The following RANBP2 variants were observed in gnomAD, a reference collection of about 807,000 sequenced individuals.
The protein encoded by RANBP2 is E3 SUMO-protein ligase RanBP2.
A neutral mutation model predicts 303.6 loss-of-function variants in RANBP2; 57 were observed. The ratio of observed to expected loss-of-function variants is 0.19; its 90% CI spans 0.15 to 0.23. The LOEUF is 0.23. Ranked by LOEUF, RANBP2 falls within the 10% of genes least tolerant of loss-of-function variation. The pLI, the probability that RANBP2 is intolerant of heterozygous loss-of-function variation, is 1.00. For missense variants in RANBP2, 3,138 were observed against 3,780.8 expected (o/e 0.83, Z 4.46); for synonymous variants, 1,167 against 1,301.5 (o/e 0.90, Z 2.23).
At chr2:109,376,986 A>G in the RANBP2 span, among the ~76,000 whole-genome samples, 1 of 152,270 alleles carries the variant, frequency 6.6e-6, no homozygotes, top group Admixed American at 6.5e-5. Flanking sequence ...CAGCCAGCAC[A>G]TACCCCAGAC....
the RANBP2 span, among the ~76,000 whole-genome samples, chr2:109,540,596 G>A: frequency 2.3e-3 from 345 of 151,624 alleles, 3 homozygotes; most frequent in African/African-American, 8.0e-3. Flanking sequence ...AGGCTGAGGT[G>A]GGAGGATCAC....
chr2:109,067,085 G>GA, the RANBP2 span, among the ~76,000 whole-genome samples: 184 of 142,874 alleles, frequency 1.3e-3, no homozygotes, highest in Non-Finnish European at 1.4e-3. Context: ...CAGAAAGAAA[G>GA]AAAAAAAAAA....
chr2:109,595,812 C>T, the RANBP2 span, among the ~76,000 whole-genome samples: 1 of 152,154 alleles, frequency 6.6e-6, no homozygotes, highest in Non-Finnish European at 1.5e-5. Context: ...CTGCTAAAGG[C>T]TAAGTGCCAC....
the RANBP2 span, among the ~76,000 whole-genome samples, chr2:109,443,756 T>G: frequency 1.3e-5 from 2 of 152,158 alleles, no homozygotes. Flanking sequence ...ATAAGCAATA[T>G]GGATAAAGGT....
the RANBP2 span, among the ~76,000 whole-genome samples, chr2:108,831,837 A>T: frequency 6.7e-6 from 1 of 148,458 alleles, no homozygotes; most frequent in African/African-American, 2.5e-5. Context: ...GGTTCAAGCG[A>T]TTCTCCTGCC....
At chr2:109,730,776 CTTTTTTTTTTTTTT>C in the RANBP2 span, among the ~76,000 whole-genome samples, 3,160 of 79,466 alleles carry the variant, frequency 0.04, 171 homozygotes, top group African/African-American at 0.12. Flanking sequence ...CTCTCTCTCT[CTTTTTTTTTTTTTT>C]TTTTTTTTTT....
At chr2:109,682,750 G>A in the RANBP2 span, among the ~76,000 whole-genome samples, 1 of 152,206 alleles carries the variant, frequency 6.6e-6, no homozygotes, top group East Asian at 1.9e-4. Context: ...GACCAACCCG[G>A]GCAACATGGC....
the RANBP2 span, chr2:108,897,262 C>G: frequency 6.3e-7 from 1 of 1,585,524 alleles, no homozygotes; most frequent in Non-Finnish European, 8.7e-7. Context: ...TTAGATGTTG[C>G]AAGTCACAGT....
At chr2:109,079,717 T>C in the RANBP2 span, among the ~76,000 whole-genome samples, 3 of 152,054 alleles carry the variant, frequency 2.0e-5, no homozygotes, top group African/African-American at 4.8e-5. Context: ...CACACACACA[T>C]AACACTCAAG....
the RANBP2 span, among the ~76,000 whole-genome samples, chr2:109,418,480 G>A: frequency 6.6e-6 from 1 of 152,050 alleles, no homozygotes; most frequent in Non-Finnish European, 1.5e-5. Flanking sequence ...GTGGCTGCCG[G>A]CATCCTCAGC....
chr2:108,873,710 G>A, the RANBP2 span: 11 of 616,544 alleles, frequency 1.8e-5, no homozygotes, highest in Admixed American at 1.3e-4. Flanking sequence ...ATTGCCTTGT[G>A]CCACACATAA....
the RANBP2 span, among the ~76,000 whole-genome samples, chr2:109,602,244 T>C: frequency 1.3e-5 from 2 of 152,176 alleles, no homozygotes; most frequent in African/African-American, 4.8e-5. Context: ...AAGTTTGTGA[T>C]GTGAAGAATG....
At chr2:109,162,157 T>A in the RANBP2 span, among the ~76,000 whole-genome samples, 2 of 152,192 alleles carry the variant, frequency 1.3e-5, no homozygotes, top group Non-Finnish European at 2.9e-5. Context: ...GGCTCTAACA[T>A]TGACCTGGAA....
chr2:108,786,569 C>T (rs1678756019), downstream of RANBP2, among the ~76,000 whole-genome samples: 1 of 152,092 alleles, frequency 6.6e-6, no homozygotes, highest in Non-Finnish European at 1.5e-5. Flanking sequence ...GGCACCCAGG[C>T]AGCCGGGGCA....
chr2:109,554,439 G>C, the RANBP2 span, among the ~76,000 whole-genome samples: 1 of 152,092 alleles, frequency 6.6e-6, no homozygotes, highest in Admixed American at 6.6e-5. Context: ...AGGGTCATGG[G>C]TGGCTGGAGC....
the RANBP2 span, among the ~76,000 whole-genome samples, chr2:109,437,551 G>A: frequency 2.1e-4 from 32 of 152,242 alleles, no homozygotes; most frequent in Admixed American, 5.2e-4. Flanking sequence ...ATTGTGGGCC[G>A]GCCACGTGGG....
At chr2:109,169,000 G>C in the RANBP2 span, among the ~76,000 whole-genome samples, 1 of 152,170 alleles carries the variant, frequency 6.6e-6, no homozygotes, top group African/African-American at 2.4e-5. Flanking sequence ...AAGAAAGGCA[G>C]CTCATGAGTT....
the RANBP2 span, among the ~76,000 whole-genome samples, chr2:109,032,353 A>G: frequency 1.7e-3 from 252 of 152,298 alleles, no homozygotes; most frequent in Middle Eastern, 6.8e-3. Context: ...GACAGAAGAA[A>G]AGGGTTAGAA....
the RANBP2 span, among the ~76,000 whole-genome samples, chr2:109,361,367 G>T: frequency 6.6e-6 from 1 of 152,178 alleles, no homozygotes; most frequent in Admixed American, 6.5e-5. Context: ...GCGAAGTATT[G>T]AGATTGTAGA....
Sources: gnomAD v4.1 joint callset for allele counts (sites outside exome capture counted in the v4.1 genomes callset) on GRCh38, gnomAD v4.1.1 for gene constraint, MANE v1.5 for transcripts, NCBI Gene and HGNC (gene_info 2026-07-23, HGNC 2026-07-21) for gene names.